Variants in PARD3B observed in about 807,000 individuals in gnomAD.
The protein encoded by PARD3B is partitioning defective 3 homolog B.
A neutral mutation model predicts 130.2 loss-of-function variants in PARD3B; 103 were observed. The ratio of observed to expected loss-of-function variants is 0.79; its 90% CI spans 0.67 to 0.93. PARD3B has a LOEUF of 0.93. Among genes scored for constraint, PARD3B ranks in the 40% least tolerant of loss-of-function variants. The pLI is 0.00. For missense variants in PARD3B, 1,609 were observed against 1,499.2 expected (o/e 1.07, Z -1.21); for synonymous variants, 583 against 553.2 (o/e 1.05, Z -0.76).
At chr2:205,206,216 C>T (rs367793652) in intron 15 of PARD3B, among the ~76,000 whole-genome samples, 4,683 of 127,292 alleles carry the variant, frequency 0.037, 206 homozygotes, top group African/African-American at 0.12. Context: ...TTTTTTTTTT[C>T]TTTTTTTTTT....
intron 2 of PARD3B, among the ~76,000 whole-genome samples, chr2:204,731,310 T>G (rs2039496502): frequency 6.6e-6 from 1 of 152,232 alleles, no homozygotes; most frequent in African/African-American, 2.4e-5. Flanking sequence ...TTATCTAATT[T>G]AAGACCAATA....
At chr2:205,162,132 A>C (rs2034541165) in intron 11 of PARD3B, among the ~76,000 whole-genome samples, 1 of 152,188 alleles carries the variant, frequency 6.6e-6, no homozygotes, top group Non-Finnish European at 1.5e-5. Context: ...ATTTGGAAAC[A>C]AGAGCAGCCA....
intron 22 of PARD3B, among the ~76,000 whole-genome samples, chr2:205,594,023 G>C (rs2054483861): frequency 6.6e-6 from 1 of 152,226 alleles, no homozygotes; most frequent in Admixed American, 6.5e-5. Context: ...AAGAGGCCCA[G>C]TCAGGGTCAC....
At chr2:205,236,788 ACTGACATCACTGATC>A (rs1171261997) in intron 15 of PARD3B, among the ~76,000 whole-genome samples, 1 of 152,208 alleles carries the variant, frequency 6.6e-6, no homozygotes, top group Non-Finnish European at 1.5e-5. Flanking sequence ...ACATCACGTT[ACTGACATCACTGATC>A]AGTCGCAGTG....
chr2:205,014,285 A>G (rs906691114), intron 3 of PARD3B, among the ~76,000 whole-genome samples: 5 of 152,122 alleles, frequency 3.3e-5, no homozygotes, highest in Non-Finnish European at 7.4e-5. Flanking sequence ...GGCTGCTTTA[A>G]CCTCTCTGCA....
Position 205,183,094 on chromosome 2 carries a change from T to C in PARD3B, c.1925-2670T>C, listed in dbSNP as rs2035884002. 6.6e-6 allele frequency among the ~76,000 whole-genome samples: 1 copy of C among 152,100 alleles called. No homozygotes were observed. The highest frequency in any genetic ancestry group is 2.4e-5 in the African/African-American group (1 of 41,424). On this transcript the variant is annotated intron_variant, in intron 13 of 22. Coordinates refer to ENST00000406610, the MANE Select transcript of PARD3B (RefSeq NM_001302769.2). The surrounding 1 kb of genome is among the most constrained non-coding windows in gnomAD (Gnocchi z 5.2). ...ATCCTTGGCAACAGCGAAGGCTTCA[T>C]AGTAAAAGTGATATTTGGGTGGACC...
intron 9 of PARD3B, 73 bp downstream of exon 9, chr2:205,124,539 A>C: frequency 3.0e-6 from 3 of 1,004,186 alleles, no homozygotes; most frequent in South Asian, 3.6e-5. Context: ...TTGCATTGAA[A>C]TATATGTAAA....
intron 3 of PARD3B, among the ~76,000 whole-genome samples, chr2:205,045,358 C>T (rs1698701652): frequency 6.6e-6 from 1 of 151,764 alleles, no homozygotes; most frequent in South Asian, 2.1e-4. Flanking sequence ...AAGTGATTCT[C>T]CTGCTTCAGC....
intron 19 of PARD3B, among the ~76,000 whole-genome samples, chr2:205,408,758 T>C (rs1381047424): frequency 6.6e-6 from 1 of 152,174 alleles, no homozygotes; most frequent in African/African-American, 2.4e-5. Flanking sequence ...TTTGGCATGA[T>C]TACATACACA....
At position 204,590,793 on chromosome 2, in the gene PARD3B, C is replaced by T. The variant is rs184663908; in HGVS notation, c.120+44674C>T. 1.9e-4 allele frequency among the ~76,000 whole-genome samples: 29 copies of T among 152,292 alleles called. No individual in the cohort carries two copies. The East Asian group carries it at 4.8e-3, about 25-fold the overall frequency. On this transcript the variant is annotated intron_variant, in intron 1 of 22. Coordinates refer to ENST00000406610, the MANE Select transcript of PARD3B (RefSeq NM_001302769.2). Reference sequence around the variant, plus strand: ...GCATGTGTGTGTTGAAAGAATTAGTCAAAATATCTGACCTTCACTTTTTAG... The same window carrying T: ...GCATGTGTGTGTTGAAAGAATTAGTTAAAATATCTGACCTTCACTTTTTAG...
At chr2:204,830,465 A>G (rs1479800464) in intron 2 of PARD3B, among the ~76,000 whole-genome samples, 4 of 152,208 alleles carry the variant, frequency 2.6e-5, no homozygotes, top group Non-Finnish European at 5.9e-5. Flanking sequence ...GTGATCTTAC[A>G]ATTGTAGGAG....
intron 16 of PARD3B, among the ~76,000 whole-genome samples, chr2:205,275,195 T>TAA (rs796270241): frequency 2.1e-5 from 3 of 140,172 alleles, no homozygotes; most frequent in African/African-American, 7.8e-5. Context: ...CGGGAAAAAT[T>TAA]AAAAAAAAAA....
rs888204513 is a variant in PARD3B, at chr2:205,146,484, C to T, written c.1435-12238C>T. On this transcript the variant is annotated intron_variant, in intron 10 of 22. Coordinates refer to ENST00000406610, the MANE Select transcript of PARD3B (RefSeq NM_001302769.2). The surrounding 1 kb of genome is among the most constrained non-coding windows in gnomAD (Gnocchi z 4.3). ...CTAACACGGCAAAACCCCGTCTCTACTAAAAATACAAAAACATTTATCTGG... is the reference window on the plus strand; with the variant it reads ...CTAACACGGCAAAACCCCGTCTCTATTAAAAATACAAAAACATTTATCTGG... Among the ~76,000 whole-genome samples, 10 of 151,958 alleles carry T rather than the reference C, an allele frequency of 6.6e-5. No individual in the cohort carries two copies. The highest frequency in any genetic ancestry group is 6.5e-4 in the Admixed American group (10 of 15,276).
At chr2:204,996,777 C>G (rs1456169920) in intron 3 of PARD3B, among the ~76,000 whole-genome samples, 2 of 149,074 alleles carry the variant, frequency 1.3e-5, no homozygotes, top group East Asian at 2.0e-4. Flanking sequence ...GGGATATAGT[C>G]TCGTGGTGCG....
intron 2 of PARD3B, among the ~76,000 whole-genome samples, chr2:204,783,456 A>T (rs1395037777): frequency 1.3e-5 from 2 of 152,002 alleles, no homozygotes; most frequent in African/African-American, 4.8e-5. Flanking sequence ...TTTAACCTTA[A>T]TTACCTCCCT....
intron 16 of PARD3B, among the ~76,000 whole-genome samples, chr2:205,272,686 T>C (rs967547717): frequency 2.0e-5 from 3 of 152,150 alleles, no homozygotes; most frequent in African/African-American, 7.2e-5. Flanking sequence ...CTCATGTTTG[T>C]GGGATGGCTG....
rs537072524 is a variant in PARD3B at position 204,879,086 on chromosome 2, A to G, written c.223-86066A>G. Among the ~76,000 whole-genome samples, 9 of 152,336 alleles carry G rather than the reference A, an allele frequency of 5.9e-5. No homozygotes were observed. The South Asian group carries it at 6.2e-4, about 11-fold the overall frequency. ...ATTGTCATCCCTTCAGAATGGTTCA[A>G]TTATAGCTATTTTGTAGGAAAGGTG... On this transcript the variant is annotated intron_variant, in intron 2 of 22. Transcript: ENST00000406610.
intron 21 of PARD3B, among the ~76,000 whole-genome samples, chr2:205,510,823 GCAT>G (rs1315591271): frequency 1.3e-5 from 2 of 152,088 alleles, no homozygotes; most frequent in Non-Finnish European, 2.9e-5. Flanking sequence ...AATAAAAATG[GCAT>G]CATTTACTCA....
At chr2:204,794,734 C>T (rs976279644) in intron 2 of PARD3B, among the ~76,000 whole-genome samples, 11 of 152,188 alleles carry the variant, frequency 7.2e-5, no homozygotes, top group African/African-American at 2.7e-4. Flanking sequence ...GGTTTAATGA[C>T]TGGCTCACAA....
Sources: allele counts gnomAD v4.1 joint callset (sites outside exome capture counted in the v4.1 genomes callset), GRCh38; gene constraint gnomAD v4.1.1; non-coding constraint Gnocchi (gnomAD v3.1); transcripts MANE v1.5; gene names NCBI Gene and HGNC (gene_info 2026-07-23, HGNC 2026-07-21).